Variants in SEMA3E observed in about 807,000 individuals in gnomAD.
SEMA3E encodes the protein semaphorin-3E.
In SEMA3E, 49 loss-of-function variants were observed where a neutral mutation model predicts 93.6. The ratio of observed to expected loss-of-function variants is 0.52; its 90% CI spans 0.42 to 0.66. The LOEUF is 0.66. SEMA3E is among the 30% of genes least tolerant of loss of function. The pLI is 0.00. For missense variants in SEMA3E, 906 were observed against 964.8 expected, an observed-to-expected ratio of 0.94 and a Z score of 0.81; for synonymous variants, 363 against 330.7, an observed-to-expected ratio of 1.10 and a Z score of -1.06.
At chr7:83,458,454 T>G (rs1201007043) in intron 4 of SEMA3E, among the ~76,000 whole-genome samples, 1 of 151,964 alleles carries the variant, frequency 6.6e-6, no homozygotes, top group East Asian at 1.9e-4. Flanking sequence ...CATGTGGAAA[T>G]GAATGGCTAG....
intron 1 of SEMA3E, among the ~76,000 whole-genome samples, chr7:83,596,917 T>A (rs776153278): frequency 1.3e-5 from 2 of 152,158 alleles, no homozygotes; most frequent in Admixed American, 6.5e-5. Context: ...TTTAGGAAAC[T>A]CTTCATCCTA....
intron 1 of SEMA3E, among the ~76,000 whole-genome samples, chr7:83,516,506 A>T (rs567494565): frequency 6.6e-6 from 1 of 152,342 alleles, no homozygotes; most frequent in Non-Finnish European, 1.5e-5. Context: ...TGTAAATAAT[A>T]CTTAGCAAAT....
chr7:83,465,280 C>A (rs988116570), intron 4 of SEMA3E, among the ~76,000 whole-genome samples: 1 of 152,078 alleles, frequency 6.6e-6, no homozygotes, highest in Non-Finnish European at 1.5e-5. Flanking sequence ...TCTCCCTTCG[C>A]TGACTCTCTT....
intron 1 of SEMA3E, among the ~76,000 whole-genome samples, chr7:83,527,994 C>G (rs1791197697): frequency 6.6e-6 from 1 of 151,780 alleles, no homozygotes; most frequent in Admixed American, 6.6e-5. Context: ...ACGTTATAAC[C>G]CATGTCTATA....
chr7:83,437,188 T>C (rs1244551325), intron 4 of SEMA3E, among the ~76,000 whole-genome samples: 2 of 152,128 alleles, frequency 1.3e-5, no homozygotes, highest in African/African-American at 4.8e-5. Context: ...GGATAAATGA[T>C]AGATTCTTCC....
At chr7:83,546,071 G>C (rs1027858238) in intron 1 of SEMA3E, among the ~76,000 whole-genome samples, 1 of 146,086 alleles carries the variant, frequency 6.8e-6, no homozygotes, top group Non-Finnish European at 1.5e-5. Flanking sequence ...ATTATCCCAC[G>C]ATGACAAGTA....
chr7:83,647,326 C>T (rs1019470388), intron 1 of SEMA3E, among the ~76,000 whole-genome samples: 5 of 152,032 alleles, frequency 3.3e-5, no homozygotes, highest in African/African-American at 1.2e-4. Flanking sequence ...TTTGTTTCTC[C>T]TGATAAATAT....
chr7:83,415,719 T>A (rs2115683679), intron 5 of SEMA3E, among the ~76,000 whole-genome samples: 1 of 152,140 alleles, frequency 6.6e-6, no homozygotes, highest in Middle Eastern at 3.4e-3. Flanking sequence ...ATTCTCTAAT[T>A]TGCAAGCACC....
intron 1 of SEMA3E, among the ~76,000 whole-genome samples, chr7:83,526,415 T>C (rs1279912745): frequency 6.6e-6 from 1 of 152,132 alleles, no homozygotes; most frequent in Non-Finnish European, 1.5e-5. Flanking sequence ...TCAGGGATAT[T>C]GGAGAGGAAG....
intron 1 of SEMA3E, among the ~76,000 whole-genome samples, chr7:83,642,992 GA>G (rs1250621795): frequency 6.6e-6 from 1 of 152,008 alleles, no homozygotes. Flanking sequence ...CAAAGATAAA[GA>G]AATACATCTT....
At chr7:83,430,750 C>T (rs372483271) in intron 4 of SEMA3E, among the ~76,000 whole-genome samples, 61 of 152,114 alleles carry the variant, frequency 4.0e-4, no homozygotes, top group Admixed American at 3.0e-3. Flanking sequence ...ACATAGATGA[C>T]GGACTATTAG....
intron 1 of SEMA3E, among the ~76,000 whole-genome samples, chr7:83,492,622 T>A (rs982294213): frequency 1.3e-5 from 2 of 151,938 alleles, no homozygotes; most frequent in African/African-American, 4.8e-5. Flanking sequence ...TGTGGGTACA[T>A]ACTTTGGAGA....
At chr7:83,374,104 G>T (rs1357325654) in intron 16 of SEMA3E, among the ~76,000 whole-genome samples, 2 of 151,416 alleles carry the variant, frequency 1.3e-5, no homozygotes, top group East Asian at 3.9e-4. Context: ...TACTCGGGAG[G>T]CTGAGGCAAG....
rs145141093 is a variant in SEMA3E, at chr7:83,495,925, G to A, written c.116-5651C>T. 2.3e-3 allele frequency among the ~76,000 whole-genome samples: 349 copies of A among 151,938 alleles called. 1 individual carries two copies. Among genetic ancestry groups the A allele is most frequent in the African/African-American group, 7.4e-3 (308 of 41,514 alleles). On this transcript the variant is annotated intron_variant, in intron 1 of 16. Transcript: ENST00000643230. ...ATATAAGTAAAAGGGGAAGATGTACGAGACGTCTCATTTTTTATGCAACCA... is the reference window on the plus strand; with the variant it reads ...ATATAAGTAAAAGGGGAAGATGTACAAGACGTCTCATTTTTTATGCAACCA...
chr7:83,499,467 T>C (rs868295081), intron 1 of SEMA3E, among the ~76,000 whole-genome samples: 3 of 152,212 alleles, frequency 2.0e-5, no homozygotes, highest in Non-Finnish European at 4.4e-5. Context: ...AGGTTAAGCA[T>C]CTTTCATATA....
At chr7:83,437,479 GAAT>G (rs764824134) in intron 4 of SEMA3E, among the ~76,000 whole-genome samples, 5 of 151,752 alleles carry the variant, frequency 3.3e-5, no homozygotes, top group Non-Finnish European at 5.9e-5. Flanking sequence ...AATCCTACAT[GAAT>G]AACATAAACT....
chr7:83,617,942 C>T (rs1414147262), intron 1 of SEMA3E, among the ~76,000 whole-genome samples: 1 of 152,028 alleles, frequency 6.6e-6, no homozygotes, highest in African/African-American at 2.4e-5. Context: ...AATACACATT[C>T]ACTGATCATC....
intron 1 of SEMA3E, among the ~76,000 whole-genome samples, chr7:83,625,364 T>G (rs936603891): frequency 6.6e-6 from 1 of 152,214 alleles, no homozygotes; most frequent in Admixed American, 6.5e-5. Context: ...GAGCATGGAA[T>G]GTTTTTCCAT....
intron 1 of SEMA3E, among the ~76,000 whole-genome samples, chr7:83,523,064 C>T (rs1312685035): frequency 3.3e-5 from 5 of 152,012 alleles, no homozygotes. Flanking sequence ...CGGGGTGAAT[C>T]CGAGGAAATA....
Sources: allele counts gnomAD v4.1 joint callset (sites outside exome capture counted in the v4.1 genomes callset), GRCh38; gene constraint gnomAD v4.1.1; transcripts MANE v1.5; gene names NCBI Gene and HGNC (gene_info 2026-07-23, HGNC 2026-07-21).